CD300LF: variants seen among roughly 807,000 people sequenced by gnomAD.
The protein encoded by CD300LF is CD300 molecule like family member f, also known as CMRF35-like molecule 1.
A neutral mutation model predicts 32.2 loss-of-function variants in CD300LF; 27 were observed. The observed-to-expected ratio is 0.84, with a 90% CI of 0.62 to 1.15. The LOEUF is 1.15. Ranked by LOEUF, CD300LF falls within the 50% of genes most tolerant of loss-of-function variation. CD300LF has a pLI of 0.00. For synonymous variants in CD300LF, 139 were observed against 143.2 expected, an observed-to-expected ratio of 0.97 and a Z score of 0.21; for missense variants, 348 against 356.8, an observed-to-expected ratio of 0.98 and a Z score of 0.20.
At chr17:74,698,031 C>A (rs925906227) in intron 4 of CD300LF, among the ~76,000 whole-genome samples, 1 of 152,186 alleles carries the variant, frequency 6.6e-6, no homozygotes, top group African/African-American at 2.4e-5. Flanking sequence ...CCAACTCTAG[C>A]GTCTAGTCTA....
chr17:74,702,088 G>A (rs1015619438), intron 3 of CD300LF, among the ~76,000 whole-genome samples: 1 of 152,142 alleles, frequency 6.6e-6, no homozygotes, highest in Non-Finnish European at 1.5e-5. Flanking sequence ...GGGAGAGGGG[G>A]AGTAGAAGGG....
chr17:74,706,456 T>G (rs1466738229), intron 1 of CD300LF, among the ~76,000 whole-genome samples: 1 of 150,696 alleles, frequency 6.6e-6, no homozygotes, highest in Non-Finnish European at 1.5e-5. Context: ...CAACATGAGG[T>G]TGGGAGTTCG....
chr17:74,704,717 G>C lies in CD300LF; in HGVS notation c.143C>G (p.Thr48Ser). 3 of 1,614,102 alleles carry C rather than the reference G, an allele frequency of 1.9e-6. No homozygotes were observed. The highest frequency in any genetic ancestry group is 2.5e-6 in the Non-Finnish European group (3 of 1,180,030). The stretch of plus-strand genomic sequence containing the variant: ...TCCTCGACACCACCACTTCAAGTAG[G>C]TCTCCCAGCCTGATCTGTAAACACA... ...VQCVYRSGWE[T>S]YLKWWCRGAI... The change falls in exon 2 of 7, where the codon ACC becomes AGC. Residue 48 changes from threonine (T) to serine (S), a missense_variant. By Grantham distance (58) the Thr-to-Ser change is moderately conservative. Transcript: ENST00000326165.
At chr17:74,697,368 T>G (rs1232005981) in intron 4 of CD300LF, among the ~76,000 whole-genome samples, 8 of 149,898 alleles carry the variant, frequency 5.3e-5, no homozygotes, top group Non-Finnish European at 1.0e-4. Flanking sequence ...AAATGGGGGG[T>G]TTTCCCCTGG....
intron 3 of CD300LF, among the ~76,000 whole-genome samples, chr17:74,701,255 T>C (rs2033026407): frequency 6.6e-6 from 1 of 152,252 alleles, no homozygotes; most frequent in Non-Finnish European, 1.5e-5. Context: ...CCTATTTGGT[T>C]ACACTAATTA....
At chr17:74,698,721 A>C (rs1469192369) in intron 3 of CD300LF, 1 of 976,262 alleles carries the variant, frequency 1.0e-6, no homozygotes, top group Admixed American at 3.1e-5. Context: ...GGAGGGTGGG[A>C]GGAAGCAAAG....
At chr17:74,700,627 G>A (rs1053296706) in intron 3 of CD300LF, among the ~76,000 whole-genome samples, 5 of 151,808 alleles carry the variant, frequency 3.3e-5, no homozygotes, top group African/African-American at 1.2e-4. Context: ...CTGTAATCCT[G>A]GCTACTCCCA....
rs532942554 is a variant in CD300LF at position 74,697,722 on chromosome 17, C to T, written c.559+647G>A. ...CATGATCTGTGAGTGTAGACTCCTGCGCCAAGAGGCTCCTCCCTGAAGAGC... is the reference window on the plus strand; with the variant it reads ...CATGATCTGTGAGTGTAGACTCCTGTGCCAAGAGGCTCCTCCCTGAAGAGC... On this transcript the variant is annotated intron_variant, in intron 4 of 6. Transcript: ENST00000326165. 4.6e-5 allele frequency among the ~76,000 whole-genome samples: 7 copies of T among 152,096 alleles called. No individual in the cohort carries two copies. The Middle Eastern group carries it at 0.01, about 222-fold the overall frequency.
Position 74,698,382 on chromosome 17 carries a change from C to T in CD300LF, c.546G>A (p.Lys182=), listed in dbSNP as rs1239278245. ...AGGTCCTCTCACCTTTCTGCTGGTACTTCATCATCCTCCAAGCCAAGAGTG... is the reference window on the plus strand; with the variant it reads ...AGGTCCTCTCACCTTTCTGCTGGTATTTCATCATCCTCCAAGCCAAGAGTG... ...AASLLAWRMM[K]YQQKAAGMSP... The change falls in exon 4 of 7, where the codon AAG becomes AAA. Residue 182 remains lysine (K), a synonymous_variant. Coordinates refer to ENST00000326165, the MANE Select transcript of CD300LF (RefSeq NM_139018.5). 12 of 1,612,904 alleles carry T rather than the reference C, an allele frequency of 7.4e-6. No individual in the cohort carries two copies. Among genetic ancestry groups the T allele is most frequent in the Non-Finnish European group, 1.0e-5 (12 of 1,179,136 alleles).
intron 3 of CD300LF, among the ~76,000 whole-genome samples, chr17:74,702,089 A>C (rs1157795000): frequency 6.6e-6 from 1 of 151,902 alleles, no homozygotes; most frequent in African/African-American, 2.4e-5. Flanking sequence ...GGAGAGGGGG[A>C]GTAGAAGGGT....
At position 74,709,495 on chromosome 17, in the gene CD300LF, A is replaced by T. The variant is rs114403001; in HGVS notation, c.43+3329T>A. On this transcript the variant is annotated intron_variant, in intron 1 of 6. Transcript: ENST00000326165. ...TAACATGGATGTTGAAGTTTTATGC[A>T]CTTTTTTGTACATTTTATTTTCCAC... is the stretch of plus-strand genomic sequence containing the variant. Among the ~76,000 whole-genome samples, 1,346 of 152,282 alleles carry T rather than the reference A, an allele frequency of 8.8e-3. 17 individuals carry two copies. The highest frequency in any genetic ancestry group is 0.03 in the African/African-American group (1,250 of 41,562).
chr17:74,697,910 G>T (rs1432959367), intron 4 of CD300LF, among the ~76,000 whole-genome samples: 2 of 152,194 alleles, frequency 1.3e-5, no homozygotes, highest in Non-Finnish European at 2.9e-5. Flanking sequence ...GATCCATGCA[G>T]TGTGTGTGCC....
chr17:74,705,287 C>T, intron 1 of CD300LF: 1 of 698,812 alleles, frequency 1.4e-6, no homozygotes, highest in East Asian at 2.7e-5. Context: ...TCCTGGTGGT[C>T]CTAATGATTT....
chr17:74,701,054 C>T (rs192844710), intron 3 of CD300LF, among the ~76,000 whole-genome samples: 60 of 152,270 alleles, frequency 3.9e-4, no homozygotes, highest in Middle Eastern at 3.4e-3. Flanking sequence ...AGAAACCAAC[C>T]TTGTGGACCA....
rs796424120 is a variant in CD300LF at position 74,710,048 on chromosome 17, G to A, written c.43+2776C>T. 1.5e-4 allele frequency among the ~76,000 whole-genome samples: 23 copies of A among 152,074 alleles called. 1 individual carries two copies. The highest frequency in any genetic ancestry group is 4.8e-4 in the African/African-American group (20 of 41,488). On this transcript the variant is annotated intron_variant, in intron 1 of 6. Coordinates refer to ENST00000326165, the MANE Select transcript of CD300LF (RefSeq NM_139018.5). ...GGCTGGAGTGCAGTGGCTCAATCTC[G>A]GCTCACTGCAAGTTCCGCCTCCCGG...
chr17:74,705,501 A>G (rs1229515574), intron 1 of CD300LF: 5 of 473,742 alleles, frequency 1.1e-5, no homozygotes, highest in African/African-American at 1.9e-5. Context: ...CTTTCTGCCA[A>G]TCCTACATTC....
Position 74,695,723 on chromosome 17 carries a change from A to G in CD300LF, c.717+2T>C. On this transcript the variant is annotated splice_donor_variant, in intron 6 of 6. Transcript: ENST00000326165. LOFTEE classifies it high-confidence loss of function. ...TCACAGCAGCCCCCATGGAGGACGC[A>G]CCATGGTGACATATTCCACTTCCAC... is the stretch of plus-strand genomic sequence containing the variant. The G allele has an allele frequency of 6.2e-7, 1 of 1,614,040 alleles. No individual in the cohort carries two copies. The highest frequency in any genetic ancestry group is 8.5e-7 in the Non-Finnish European group (1 of 1,180,010).
intron 3 of CD300LF, 116 bp downstream of exon 3, chr17:74,702,918 TC>T: frequency 1.2e-6 from 1 of 829,576 alleles, no homozygotes; most frequent in Non-Finnish European, 2.0e-6. Context: ...TTCCTCATCC[TC>T]ACCAAGGAGC....
At chr17:74,706,273 GA>G (rs144675318) in intron 1 of CD300LF, among the ~76,000 whole-genome samples, 158 of 137,528 alleles carry the variant, frequency 1.1e-3, no homozygotes, top group East Asian at 3.0e-3. Flanking sequence ...CATTTTAAAG[GA>G]AAAAAAAAAT....
Sources: gnomAD v4.1 joint callset for allele counts (sites outside exome capture counted in the v4.1 genomes callset) on GRCh38, gnomAD v4.1.1 for gene constraint, MANE v1.5 for transcripts, NCBI Gene and HGNC (gene_info 2026-07-23, HGNC 2026-07-21) for gene names.